SPHKAP: variants seen among roughly 807,000 people sequenced by gnomAD.
The protein encoded by SPHKAP is A-kinase anchor protein SPHKAP.
Under a neutral mutation model 137.5 loss-of-function variants are expected in SPHKAP, and 67 were observed. That is an observed-to-expected ratio of 0.49 (90% CI 0.40 to 0.60). The LOEUF (loss-of-function observed/expected upper bound fraction) is 0.60, where lower values mean the gene tolerates loss of function less well. Among genes scored for constraint, SPHKAP ranks in the 20% least tolerant of loss-of-function variants. SPHKAP has a pLI of 0.00. For synonymous variants in SPHKAP, 813 were observed against 785.3 expected (o/e 1.04, Z -0.59); for missense variants, 2,097 against 2,069.3 (o/e 1.01, Z -0.26).
rs188851252 is a variant in SPHKAP at position 227,993,655 on chromosome 2, C to T, written c.4635-35G>A. The stretch of plus-strand genomic sequence containing the variant: ...CAAAAGTTTACATATTAATGCCCGT[C>T]TCCACCCTCTAACATGCTGCTGACA... On this transcript the variant is annotated intron_variant, in intron 8 of 11. Coordinates refer to ENST00000392056, the MANE Select transcript of SPHKAP (RefSeq NM_001142644.2). The T allele has an allele frequency of 3.1e-5, 47 of 1,519,792 alleles. No individual in the cohort carries two copies. In the East Asian group the frequency reaches 1.1e-3, roughly 35 times the overall value. The allele number at this position is 1,519,792 out of a possible 1,614,324, so 94.1% of individuals were successfully genotyped here. A position where few individuals can be genotyped will look rare whatever the true frequency, so the allele number is the denominator to read the frequency against.
chr2:228,122,717 G>A (rs1256719111), intron 2 of SPHKAP, among the ~76,000 whole-genome samples: 1 of 152,152 alleles, frequency 6.6e-6, no homozygotes, highest in Admixed American at 6.5e-5. Context: ...GAGAAAATGA[G>A]CCCTTAATCA....
At chr2:228,111,422 T>C (rs1574858946) in intron 2 of SPHKAP, among the ~76,000 whole-genome samples, 1 of 152,172 alleles carries the variant, frequency 6.6e-6, no homozygotes, top group African/African-American at 2.4e-5. Flanking sequence ...TGGGTTTTAC[T>C]GTTACTATTT....
intron 1 of SPHKAP, among the ~76,000 whole-genome samples, chr2:228,174,545 C>G (rs972887827): frequency 1.2e-4 from 19 of 152,174 alleles, no homozygotes; most frequent in African/African-American, 4.6e-4. Context: ...AGTCGTTTAA[C>G]TTTTCTCAGT....
chr2:228,106,618 G>A (rs1698351673), intron 3 of SPHKAP, among the ~76,000 whole-genome samples: 1 of 152,100 alleles, frequency 6.6e-6, no homozygotes, highest in Admixed American at 6.6e-5. Flanking sequence ...TTTTGAAAAG[G>A]AATTAAGTCC....
intron 1 of SPHKAP, among the ~76,000 whole-genome samples, chr2:228,150,749 A>T: frequency 6.6e-6 from 1 of 151,156 alleles, no homozygotes; most frequent in East Asian, 1.9e-4. Flanking sequence ...TATTCTCCAT[A>T]GTCTATGTTT....
chr2:228,181,277 G>C lies in SPHKAP; in HGVS notation c.32+290C>G, dbSNP rs1700903671. The stretch of plus-strand genomic sequence containing the variant: ...CCGGCTCCTGGCTCCACCTAGGGCA[G>C]AGCAGACCTCCGTCCCTGGGCCTTA... On this transcript the variant is annotated intron_variant, in intron 1 of 11. Coordinates refer to ENST00000392056, the MANE Select transcript of SPHKAP (RefSeq NM_001142644.2). The surrounding 1 kb of genome is among the most constrained non-coding windows in gnomAD (Gnocchi z 4.3). Among the ~76,000 whole-genome samples, 2 of 152,180 alleles carry C rather than the reference G, an allele frequency of 1.3e-5. No individual in the cohort carries two copies. The highest frequency in any genetic ancestry group is 4.1e-4 in the South Asian group (2 of 4,832).
At chr2:228,027,393 G>A (rs770347148) in intron 4 of SPHKAP, 91 bp downstream of exon 4, 244 of 1,300,436 alleles carry the variant, frequency 1.9e-4, no homozygotes, top group Non-Finnish European at 2.6e-4. Flanking sequence ...TAACTAAAGA[G>A]TCTCCTACAA....
chr2:228,004,310 A>C (rs1296584245), intron 7 of SPHKAP, among the ~76,000 whole-genome samples: 1 of 152,088 alleles, frequency 6.6e-6, no homozygotes, highest in African/African-American at 2.4e-5. Flanking sequence ...GTGTTGAGGA[A>C]TTTATCCGTT....
intron 1 of SPHKAP, among the ~76,000 whole-genome samples, chr2:228,173,348 A>G (rs1288904035): frequency 1.3e-5 from 2 of 152,174 alleles, no homozygotes; most frequent in Non-Finnish European, 2.9e-5. Context: ...AATTCCTGAA[A>G]TCTGTAGTAT....
chr2:227,985,254 A>C (rs1301012239), intron 11 of SPHKAP, among the ~76,000 whole-genome samples: 2 of 152,146 alleles, frequency 1.3e-5, no homozygotes, highest in African/African-American at 4.8e-5. Context: ...GTCTGGCCCC[A>C]CTAAATAGAG....
At chr2:228,167,410 C>T (rs1440105527) in intron 1 of SPHKAP, among the ~76,000 whole-genome samples, 1 of 152,054 alleles carries the variant, frequency 6.6e-6, no homozygotes. Context: ...TTTTTAATCA[C>T]TATATTGAAG....
chr2:228,068,919 T>C (rs1305308763), intron 3 of SPHKAP, among the ~76,000 whole-genome samples: 1 of 152,186 alleles, frequency 6.6e-6, no homozygotes, highest in East Asian at 1.9e-4. Context: ...TTTTTCTAAG[T>C]GTTTTCTACT....
At chr2:228,146,335 A>G (rs1174314717) in intron 1 of SPHKAP, among the ~76,000 whole-genome samples, 1 of 152,186 alleles carries the variant, frequency 6.6e-6, no homozygotes, top group African/African-American at 2.4e-5. Flanking sequence ...GAAAAGTGAC[A>G]CATATATCCA....
chr2:228,090,098 T>C (rs1335809698), intron 3 of SPHKAP, among the ~76,000 whole-genome samples: 3 of 152,122 alleles, frequency 2.0e-5, no homozygotes, highest in Admixed American at 6.5e-5. Flanking sequence ...AACCTCAGCA[T>C]GGAAAAACTG....
chr2:228,135,285 A>T (rs1699403345), intron 1 of SPHKAP, among the ~76,000 whole-genome samples: 1 of 151,668 alleles, frequency 6.6e-6, no homozygotes, highest in Non-Finnish European at 1.5e-5. Context: ...AAAAAAAAAA[A>T]AAAAAAAAGC....
chr2:228,062,896 T>C (rs1206796859), intron 3 of SPHKAP, among the ~76,000 whole-genome samples: 2 of 152,232 alleles, frequency 1.3e-5, no homozygotes, highest in Non-Finnish European at 2.9e-5. Flanking sequence ...GAATTAGTTA[T>C]GCATTAGGGA....
At chr2:228,129,037 G>A (rs933278937) in intron 2 of SPHKAP, among the ~76,000 whole-genome samples, 1 of 152,150 alleles carries the variant, frequency 6.6e-6, no homozygotes, top group Admixed American at 6.5e-5. Context: ...CCTCTAACAA[G>A]ATGGTGTGTC....
At chr2:228,180,687 G>A (rs1700881235) in intron 1 of SPHKAP, among the ~76,000 whole-genome samples, 1 of 152,204 alleles carries the variant, frequency 6.6e-6, no homozygotes, top group African/African-American at 2.4e-5. Flanking sequence ...TCCGCGCCCA[G>A]CGAGCGCAAA....
intron 3 of SPHKAP, among the ~76,000 whole-genome samples, chr2:228,030,713 G>C: frequency 6.9e-6 from 1 of 145,980 alleles, no homozygotes; most frequent in Non-Finnish European, 1.5e-5. Flanking sequence ...ACTGCCCAAT[G>C]CACCTCCATA....
Sources: gnomAD v4.1 joint callset for allele counts (sites outside exome capture counted in the v4.1 genomes callset) on GRCh38, gnomAD v4.1.1 for gene constraint, Gnocchi (gnomAD v3.1) non-coding constraint, MANE v1.5 for transcripts, NCBI Gene and HGNC (gene_info 2026-07-23, HGNC 2026-07-21) for gene names.